Variants in ITSN2 observed in about 807,000 individuals in gnomAD.
ITSN2 encodes intersectin-2.
ITSN2 carries 156 observed loss-of-function variants against 243.7 expected under a neutral mutation model. The observed-to-expected ratio is 0.64, with a 90% CI of 0.56 to 0.73. The LOEUF (loss-of-function observed/expected upper bound fraction) is 0.73, where lower values mean the gene tolerates loss of function less well. Ranked by LOEUF, ITSN2 falls within the 30% of genes least tolerant of loss-of-function variation. ITSN2 has a pLI of 0.00. For synonymous variants in ITSN2, 703 were observed against 699.9 expected (o/e 1.00, Z -0.07); for missense variants, 1,801 against 1,996.1 (o/e 0.90, Z 1.86).
chr2:24,286,189 TAA>T (rs751438546), intron 16 of ITSN2, 21 bp downstream of exon 16: 1 of 1,447,968 alleles, frequency 6.9e-7, no homozygotes, highest in South Asian at 1.3e-5. Flanking sequence ...TACCTAAAAA[TAA>T]ATAGTATCAA....
chr2:24,255,253 T>C (rs1164890005), intron 23 of ITSN2, among the ~76,000 whole-genome samples: 1 of 152,236 alleles, frequency 6.6e-6, no homozygotes, highest in African/African-American at 2.4e-5. Context: ...TATAAAGGAA[T>C]TGTCTATAAA....
At chr2:24,300,835 A>C (rs1410390702) in intron 11 of ITSN2, among the ~76,000 whole-genome samples, 1 of 152,242 alleles carries the variant, frequency 6.6e-6, no homozygotes, top group African/African-American at 2.4e-5. Flanking sequence ...TCTTTCAACC[A>C]ATATTTAAAT....
At chr2:24,259,098 T>C (rs1286796268) in intron 22 of ITSN2, among the ~76,000 whole-genome samples, 1 of 152,200 alleles carries the variant, frequency 6.6e-6, no homozygotes, top group Non-Finnish European at 1.5e-5. Context: ...CTGTCCCTAA[T>C]ACACATAGCT....
intron 2 of ITSN2, among the ~76,000 whole-genome samples, chr2:24,325,487 C>T (rs1685070821): frequency 6.6e-6 from 1 of 151,714 alleles, no homozygotes; most frequent in East Asian, 1.9e-4. Flanking sequence ...TTAATTCAGT[C>T]CTGGCTTTCT....
At chr2:24,350,446 A>AAGT (rs1170603836) in intron 1 of ITSN2, among the ~76,000 whole-genome samples, 1 of 152,196 alleles carries the variant, frequency 6.6e-6, no homozygotes, top group Non-Finnish European at 1.5e-5. Flanking sequence ...ATAGGTTACC[A>AAGT]TGTTAAGTCA....
chr2:24,281,125 T>C (rs1214292501), intron 17 of ITSN2, among the ~76,000 whole-genome samples: 2 of 152,182 alleles, frequency 1.3e-5, no homozygotes, highest in African/African-American at 4.8e-5. Flanking sequence ...ACCTCCCAGA[T>C]TCAAGCAATT....
rs1275731240 is a variant in ITSN2 at position 24,318,699 on chromosome 2, G to A, written c.32-3475C>T. Among the ~76,000 whole-genome samples, 4 of 152,262 alleles carry A rather than the reference G, an allele frequency of 2.6e-5. No individual in the cohort carries two copies. In the South Asian group the frequency reaches 6.2e-4, roughly 24 times the overall value. ...CAGGATTCTACTCTGACCACTCCTG[G>A]ACATGATGCATCTTTCTAGCCCCTA... is the stretch of plus-strand genomic sequence containing the variant. On this transcript the variant is annotated intron_variant, in intron 2 of 39. Transcript: ENST00000355123.
chr2:24,226,443 A>G (rs1671036116), intron 29 of ITSN2, among the ~76,000 whole-genome samples: 2 of 152,214 alleles, frequency 1.3e-5, no homozygotes, highest in African/African-American at 2.4e-5. Flanking sequence ...TAATGAATGG[A>G]AATGCTGGGC....
intron 29 of ITSN2, among the ~76,000 whole-genome samples, chr2:24,227,446 C>T (rs1380366734): frequency 6.6e-6 from 1 of 151,664 alleles, no homozygotes; most frequent in Non-Finnish European, 1.5e-5. Context: ...TAATGAAGGG[C>T]TTGAAGCCAT....
At chr2:24,227,129 G>C (rs1200145074) in intron 29 of ITSN2, among the ~76,000 whole-genome samples, 3 of 151,694 alleles carry the variant, frequency 2.0e-5, no homozygotes, top group Admixed American at 6.6e-5. Flanking sequence ...AAAAGAAAAA[G>C]AAAAACAAAA....
chr2:24,281,256 C>T (rs1416339862), intron 17 of ITSN2, among the ~76,000 whole-genome samples: 2 of 152,218 alleles, frequency 1.3e-5, no homozygotes, highest in African/African-American at 2.4e-5. Flanking sequence ...TCTCAAACTA[C>T]TGACCTCAGG....
intron 2 of ITSN2, among the ~76,000 whole-genome samples, chr2:24,319,331 A>G (rs1369601980): frequency 6.6e-6 from 1 of 152,286 alleles, no homozygotes; most frequent in East Asian, 1.9e-4. Context: ...TGGTATTAAG[A>G]GAGGAATTAA....
intron 29 of ITSN2, chr2:24,242,232 A>G (rs1672815287): frequency 6.6e-6 from 1 of 152,608 alleles, no homozygotes; most frequent in Non-Finnish European, 1.5e-5. Context: ...GAGGAATAAA[A>G]TGAACATAAT....
At chr2:24,216,002 T>A in intron 32 of ITSN2, 47 bp downstream of exon 32, 1 of 1,458,868 alleles carries the variant, frequency 6.9e-7, no homozygotes, top group Non-Finnish European at 9.3e-7. Context: ...TGCTGTTGCC[T>A]CCAGCCTCAG....
At chr2:24,220,215 G>A (rs1045902454) in intron 30 of ITSN2, 8 of 473,524 alleles carry the variant, frequency 1.7e-5, no homozygotes, top group Non-Finnish European at 1.9e-5. Flanking sequence ...TTGGGTGTGT[G>A]GGGGTAGGGG....
At chr2:24,220,773 G>A in intron 30 of ITSN2, 172 bp downstream of exon 30, 2 of 1,413,634 alleles carry the variant, frequency 1.4e-6, no homozygotes, top group Non-Finnish European at 9.2e-7. Context: ...TATCCGGCAG[G>A]CAGAGACAGC....
intron 8 of ITSN2, among the ~76,000 whole-genome samples, chr2:24,306,968 G>A (rs754571671): frequency 2.0e-4 from 31 of 152,184 alleles, no homozygotes; most frequent in African/African-American, 7.2e-4. Context: ...ACCATGCCCA[G>A]CTAATTTTTG....
chr2:24,206,258 T>A, intron 37 of ITSN2: 1 of 434,082 alleles, frequency 2.3e-6, no homozygotes, highest in Non-Finnish European at 4.7e-6. Context: ...TAGGAGTATA[T>A]AACAAAATGG....
intron 17 of ITSN2, among the ~76,000 whole-genome samples, chr2:24,276,632 C>CT (rs985966835): frequency 1.6e-4 from 25 of 152,338 alleles, no homozygotes; most frequent in African/African-American, 6.0e-4. Context: ...GGAAACTGAT[C>CT]TTTCCACCTT....
Sources: allele counts gnomAD v4.1 joint callset (sites outside exome capture counted in the v4.1 genomes callset), GRCh38; gene constraint gnomAD v4.1.1; transcripts MANE v1.5; gene names NCBI Gene and HGNC (gene_info 2026-07-23, HGNC 2026-07-21).